ZNF675: variants seen among roughly 807,000 people sequenced by gnomAD.
The protein encoded by ZNF675 is TRAF6 inhibitory zinc finger.
Under a neutral mutation model 56.1 loss-of-function variants are expected in ZNF675, and 36 were observed. The observed-to-expected ratio is 0.64, with a 90% CI of 0.49 to 0.85. The LOEUF (loss-of-function observed/expected upper bound fraction) is 0.85. Among genes scored for constraint, ZNF675 ranks in the 40% least tolerant of loss-of-function variants. The pLI is 0.00. For missense variants in ZNF675, 663 were observed against 654.2 expected, an observed-to-expected ratio of 1.01 and a Z score of -0.15; for synonymous variants, 200 against 218.9, an observed-to-expected ratio of 0.91 and a Z score of 0.76.
At position 23,653,800 on chromosome 19, in the gene ZNF675, T is replaced by C; in HGVS notation, c.1133A>G (p.Asn378Ser). 6.2e-7 allele frequency: 1 copy of C among 1,613,756 alleles called. No individual in the cohort carries two copies. Among genetic ancestry groups the C allele is most frequent in the Admixed American group, 1.7e-5 (1 of 59,972 alleles). The change falls in exon 4 of 4, where the codon AAC becomes AGC. Residue 378 changes from asparagine (N) to serine (S), a missense_variant. Asn to Ser is a conservative substitution (Grantham distance 46, BLOSUM62 1). Transcript: ENST00000359788. ...ATGTTCCGTAAGATTTGAGGATCGG[T>C]TAAAAGCTTTGCCGCATTCCTCACA... ...YKCEECGKAF[N>S]RSSNLTEHRK...
intron 1 of ZNF675, among the ~76,000 whole-genome samples, chr19:23,671,562 C>A (rs1751062426): frequency 6.7e-6 from 1 of 150,046 alleles, no homozygotes; most frequent in Admixed American, 6.8e-5. Context: ...GAACTGACTG[C>A]CCCTGTGCCA....
intron 1 of ZNF675, among the ~76,000 whole-genome samples, chr19:23,668,558 C>G (rs8100361): frequency 0.052 from 7,958 of 152,318 alleles, 453 homozygotes; most frequent in African/African-American, 0.12. Flanking sequence ...GTCGATGGGA[C>G]TGGGCGCCGT....
Position 23,653,120 on chromosome 19 carries a change from T to C in ZNF675, c.*106A>G. 9.1e-7 allele frequency: 1 copy of C among 1,094,712 alleles called. No homozygotes were observed. The highest frequency in any genetic ancestry group is 1.3e-6 in the Non-Finnish European group (1 of 777,430). 67.8% of individuals were successfully genotyped at this position (1,094,712 alleles called of 1,614,324 possible). On this transcript the variant is annotated 3_prime_UTR_variant, in exon 4 of 4. Transcript: ENST00000359788. ...GAATTATCTTACATACAATGAAGTG[T>C]GAAAACCATTTAAAGTCTTTGACAC...
chr19:23,662,476 T>G (rs1288936812), intron 2 of ZNF675, among the ~76,000 whole-genome samples: 1 of 152,214 alleles, frequency 6.6e-6, no homozygotes, highest in Non-Finnish European at 1.5e-5. Flanking sequence ...ACTAAACTTC[T>G]GAAATTACCA....
At chr19:23,676,032 T>C (rs1302396103) in intron 1 of ZNF675, among the ~76,000 whole-genome samples, 1 of 149,250 alleles carries the variant, frequency 6.7e-6, no homozygotes, top group South Asian at 2.1e-4. Context: ...TTATCACTGA[T>C]TTGGCAAAAA....
In ZNF675 at chr19:23,653,904, T is replaced by C. The variant is rs1366590864; in HGVS notation, c.1029A>G (p.Glu343=). 4 of 1,613,460 alleles carry C rather than the reference T, an allele frequency of 2.5e-6. No individual in the cohort carries two copies. In the South Asian group the frequency reaches 4.4e-5, roughly 18 times the overall value. ...IHTGEKPYKC[E]ECGKAFNRSS... ...ATCGGTTAAAAGCTTTTCCACATTCTTCACATTTGTAGGGTTTTTCTCCAG... is the reference window on the plus strand; with the variant it reads ...ATCGGTTAAAAGCTTTTCCACATTCCTCACATTTGTAGGGTTTTTCTCCAG... Residue 343 remains glutamate (E), a synonymous_variant, in exon 4 of 4, where the codon GAA becomes GAG. Coordinates refer to ENST00000359788, the MANE Select transcript of ZNF675 (RefSeq NM_138330.3).
chr19:23,654,025 T>G lies in ZNF675; in HGVS notation c.908A>C (p.Lys303Thr). Residue 303 changes from lysine (K) to threonine (T), a missense_variant, in exon 4 of 4, where the codon AAA (lysine) becomes ACA (threonine). Transcript: ENST00000359788. ...FNQFSNLTTH[K>T]KIHTGEQPYI... The stretch of plus-strand genomic sequence containing the variant: ...GGGTTGCTCTCCAGTATGAATTTTT[T>G]TATGTGTAGTAAGATTTGAGAACTG... 1.2e-6 allele frequency: 2 copies of G among 1,613,862 alleles called. No homozygotes were observed. Among genetic ancestry groups the G allele is most frequent in the Non-Finnish European group, 1.7e-6 (2 of 1,179,986 alleles).
In ZNF675 at chr19:23,654,299, A is replaced by G. The variant is rs759955616; in HGVS notation, c.634T>C (p.Ser212Pro). Residue 212 changes from serine (S) to proline (P), a missense_variant, in exon 4 of 4, where the codon TCT (serine) becomes CCT (proline). Transcript: ENST00000359788. The part of the protein sequence containing the change: ...CEECEKAVNQ[S>P]SKLTKHKRIY... ...CTTTTATGTTTAGTAAGCTTTGAAGATTGGTTAACAGCTTTTTCACATTCT... is the reference window on the plus strand; with the variant it reads ...CTTTTATGTTTAGTAAGCTTTGAAGGTTGGTTAACAGCTTTTTCACATTCT... The G allele has an allele frequency of 9.3e-6, 15 of 1,611,048 alleles. No homozygotes were observed. Among genetic ancestry groups the G allele is most frequent in the Non-Finnish European group, 1.3e-5 (15 of 1,179,154 alleles).
intron 3 of ZNF675, among the ~76,000 whole-genome samples, chr19:23,659,089 T>C (rs1361377129): frequency 6.6e-6 from 1 of 151,464 alleles, no homozygotes; most frequent in Non-Finnish European, 1.5e-5. Flanking sequence ...TGCGAATAAA[T>C]TATATTATTT....
At chr19:23,673,992 C>G (rs1968258624) in intron 1 of ZNF675, among the ~76,000 whole-genome samples, 1 of 151,568 alleles carries the variant, frequency 6.6e-6, no homozygotes, top group African/African-American at 2.4e-5. Context: ...CACCTGAGGT[C>G]AGGAGTTCGA....
Position 23,653,112 on chromosome 19 carries a change from A to G in ZNF675, c.*114T>C. The G allele has an allele frequency of 1.0e-6, 1 of 983,302 alleles. No homozygotes were observed. 60.9% of individuals were successfully genotyped at this position (983,302 alleles called of 1,614,324 possible). A position where few individuals can be genotyped will look rare whatever the true frequency, so the allele number is the denominator to read the frequency against. Reference sequence around the variant, plus strand: ...TCCAGTATGAATTATCTTACATACAATGAAGTGTGAAAACCATTTAAAGTC... The same window carrying G: ...TCCAGTATGAATTATCTTACATACAGTGAAGTGTGAAAACCATTTAAAGTC... On this transcript the variant is annotated 3_prime_UTR_variant, in exon 4 of 4. Transcript: ENST00000359788.
rs566463347 is a variant in ZNF675, at chr19:23,656,980, G to GT, written c.227-2275dup. The GT allele has an allele frequency of 3.3e-5, 5 of 152,276 alleles. No individual in the cohort carries two copies. In the East Asian group the frequency reaches 9.6e-4, roughly 29 times the overall value. The allele number at this position is 152,276 out of a possible 1,614,324, so 9.4% of individuals were successfully genotyped here. A position where few individuals can be genotyped will look rare whatever the true frequency, so the allele number is the denominator to read the frequency against. ...GACAGGTTCTCACTCTGTCATTCAAGTTTGAGTAAAGTGGCACAATTATGG... is the reference window on the plus strand; with the variant it reads ...GACAGGTTCTCACTCTGTCATTCAAGTTTTGAGTAAAGTGGCACAATTATGG... On this transcript the variant is annotated intron_variant, in intron 3 of 3. Transcript: ENST00000359788.
At chr19:23,676,275 CA>C (rs1467608351) in intron 1 of ZNF675, among the ~76,000 whole-genome samples, 1 of 151,674 alleles carries the variant, frequency 6.6e-6, no homozygotes, top group African/African-American at 2.4e-5. Context: ...ACCAGATGTA[CA>C]AACAAAAGTT....
intron 1 of ZNF675, among the ~76,000 whole-genome samples, chr19:23,679,476 AG>A (rs1441978096): frequency 6.6e-6 from 1 of 151,704 alleles, no homozygotes; most frequent in African/African-American, 2.4e-5. Flanking sequence ...CACAGGAACC[AG>A]CAAATTTTAT....
At chr19:23,680,104 C>G (rs754652447) in intron 1 of ZNF675, among the ~76,000 whole-genome samples, 1 of 150,590 alleles carries the variant, frequency 6.6e-6, no homozygotes, top group Non-Finnish European at 1.5e-5. Flanking sequence ...GTCAAGAGAT[C>G]GAGACCATCT....
intron 3 of ZNF675, chr19:23,656,518 AC>A: frequency 6.6e-6 from 1 of 151,572 alleles, no homozygotes; most frequent in South Asian, 2.1e-4. Flanking sequence ...AATAACTTGA[AC>A]CCAGGATGCA....
intron 1 of ZNF675, among the ~76,000 whole-genome samples, chr19:23,672,417 A>T (rs1465032433): frequency 6.6e-6 from 1 of 152,220 alleles, no homozygotes; most frequent in Non-Finnish European, 1.5e-5. Flanking sequence ...ACATAACTGT[A>T]GAAAGTCACT....
intron 1 of ZNF675, among the ~76,000 whole-genome samples, chr19:23,683,569 G>T (rs972508510): frequency 2.6e-5 from 4 of 152,018 alleles, no homozygotes; most frequent in Admixed American, 2.6e-4. Flanking sequence ...CTACAGGCAC[G>T]TGCCACCATG....
chr19:23,667,005 G>T (rs948800500), intron 1 of ZNF675, among the ~76,000 whole-genome samples: 1 of 152,174 alleles, frequency 6.6e-6, no homozygotes, highest in Non-Finnish European at 1.5e-5. Flanking sequence ...CTTCAACAAT[G>T]AAGCCGCGGA....
Sources: allele counts gnomAD v4.1 joint callset (sites outside exome capture counted in the v4.1 genomes callset), GRCh38; gene constraint gnomAD v4.1.1; transcripts MANE v1.5; gene names NCBI Gene and HGNC (gene_info 2026-07-23, HGNC 2026-07-21).